ESS2: variants seen among roughly 807,000 people sequenced by gnomAD.
ESS2 encodes splicing factor ESS-2 homolog.
In ESS2, 31 loss-of-function variants were observed where a neutral mutation model predicts 52.0. That is an observed-to-expected ratio of 0.60 (90% CI 0.45 to 0.81). ESS2 has a LOEUF of 0.81. Ranked by LOEUF, ESS2 falls within the 30% of genes least tolerant of loss-of-function variation. The pLI is 0.00. For missense variants in ESS2, 602 were observed against 637.2 expected (o/e 0.94, Z 0.59); for synonymous variants, 285 against 259.2 (o/e 1.10, Z -0.95).
Position 19,142,708 on chromosome 22 carries a change from C to A in ESS2, c.304+18G>T. 6.2e-7 allele frequency: 1 copy of A among 1,611,854 alleles called. No homozygotes were observed. The highest frequency in any genetic ancestry group is 8.5e-7 in the Non-Finnish European group (1 of 1,178,740). ...TCAGCAGGCTTTCCCCTCTCCGCCA[C>A]CCACAGGGTCCTCATACAGGGTGGC... On this transcript the variant is annotated intron_variant, in intron 2 of 9. Coordinates refer to ENST00000252137, the MANE Select transcript of ESS2 (RefSeq NM_022719.3).
chr22:19,140,772 T>A (rs2083672947), intron 3 of ESS2, among the ~76,000 whole-genome samples: 1 of 152,214 alleles, frequency 6.6e-6, no homozygotes, highest in Admixed American at 6.5e-5. Context: ...GCACAGTGGC[T>A]ACAAGCTCAA....
chr22:19,138,105 G>A (rs984741117), intron 7 of ESS2, 110 bp downstream of exon 7: 35 of 1,553,342 alleles, frequency 2.3e-5, no homozygotes, highest in South Asian at 1.3e-4. Context: ...GTTACACAAG[G>A]TGTGGGGCAG....
intron 1 of ESS2, among the ~76,000 whole-genome samples, chr22:19,143,804 A>G (rs148965529): frequency 0.016 from 2,461 of 152,214 alleles, 87 homozygotes; most frequent in East Asian, 0.058. Flanking sequence ...TGGTTACAGT[A>G]AGCCGAGATC....
chr22:19,139,138 C>A, intron 6 of ESS2, 21 bp downstream of exon 6: 1 of 1,569,758 alleles, frequency 6.4e-7, no homozygotes, highest in Non-Finnish European at 8.6e-7. Context: ...CCCATGCGGC[C>A]CTGCTGACCC....
Position 19,130,652 on chromosome 22 carries a change from C to G in ESS2, c.*3544G>C. On this transcript the variant is annotated 3_prime_UTR_variant, in exon 10 of 10. Transcript: ENST00000252137. Reference sequence around the variant, plus strand: ...CCCTTAACTTGTCTTCAGATTTTGTCGACCCGAGATGGGTCCTGGCACTAG... The same window carrying G: ...CCCTTAACTTGTCTTCAGATTTTGTGGACCCGAGATGGGTCCTGGCACTAG... 3.2e-6 allele frequency: 1 copy of G among 312,132 alleles called. No individual in the cohort carries two copies. The highest frequency in any genetic ancestry group is 2.9e-5 in the South Asian group (1 of 34,254). 19.3% of individuals were successfully genotyped at this position (312,132 alleles called of 1,614,324 possible).
intron 8 of ESS2, among the ~76,000 whole-genome samples, chr22:19,136,497 A>G (rs2083585050): frequency 6.6e-6 from 1 of 152,122 alleles, no homozygotes; most frequent in South Asian, 2.1e-4. Flanking sequence ...CTTCATTTCT[A>G]AATACTCTGC....
Position 19,133,980 on chromosome 22 carries a change from A to C in ESS2, c.*216T>G. The stretch of plus-strand genomic sequence containing the variant: ...TAATGACAGTTCAAGGGGCCAATTA[A>C]ACAGCAAACAGCTTGGCAAGGCCCT... On this transcript the variant is annotated 3_prime_UTR_variant, in exon 10 of 10. Transcript: ENST00000252137. 2.2e-6 allele frequency: 1 copy of C among 460,406 alleles called. No homozygotes were observed. Among genetic ancestry groups the C allele is most frequent in the Non-Finnish European group, 3.6e-6 (1 of 279,668 alleles). The allele number at this position is 460,406 out of a possible 1,614,324, so 28.5% of individuals were successfully genotyped here.
chr22:19,144,388 C>A, intron 1 of ESS2, 118 bp downstream of exon 1: 1 of 1,556,968 alleles, frequency 6.4e-7, no homozygotes, highest in South Asian at 1.2e-5. Flanking sequence ...ACCGTCCACA[C>A]CCGGCTCCTC....
Position 19,137,362 on chromosome 22 carries a change from T to C in ESS2, c.996A>G (p.Glu332=), listed in dbSNP as rs1488911629. Reference sequence around the variant, plus strand: ...CGGGTGTCCTGTCCACGTAGGGCGTTTCCGACCCTTCAACTCTCAAGGGTG... The same window carrying C: ...CGGGTGTCCTGTCCACGTAGGGCGTCTCCGACCCTTCAACTCTCAAGGGTG... ...ENTPLRVEGS[E]TPYVDRTPGP... Residue 332 remains glutamate, a synonymous_variant, in exon 8 of 10, where the codon GAA becomes GAG. Coordinates refer to ENST00000252137, the MANE Select transcript of ESS2 (RefSeq NM_022719.3). The C allele has an allele frequency of 1.9e-6, 3 of 1,613,674 alleles. No individual in the cohort carries two copies. The African/African-American group carries it at 4.0e-5, about 22-fold the overall frequency.
chr22:19,134,544 C>T, intron 9 of ESS2, 69 bp from the exon 10 acceptor site: 1 of 1,444,438 alleles, frequency 6.9e-7, no homozygotes, highest in Admixed American at 2.5e-5. Flanking sequence ...CAGGGCCTCC[C>T]TTGGCTCCCA....
intron 6 of ESS2, 51 bp from the exon 7 acceptor site, chr22:19,138,368 C>T: frequency 6.5e-7 from 1 of 1,550,076 alleles, no homozygotes; most frequent in Non-Finnish European, 8.9e-7. Context: ...CCACGCTCGA[C>T]AGCTGGCCGG....
intron 7 of ESS2, 54 bp from the exon 8 acceptor site, chr22:19,137,486 C>T: frequency 7.5e-7 from 1 of 1,332,476 alleles, no homozygotes. Context: ...CCACCACCCT[C>T]CCCTCCAGTC....
Position 19,132,108 on chromosome 22 carries a change from C to A in ESS2, c.*2088G>T. On this transcript the variant is annotated 3_prime_UTR_variant, in exon 10 of 10. Coordinates refer to ENST00000252137, the MANE Select transcript of ESS2 (RefSeq NM_022719.3). This position sits in a 1 kb window ranked among gnomAD's most constrained non-coding sequence, Gnocchi z 4.2. ...GAAGGAGCACCGTGTGGACTTCCCG[C>A]GCTCCAAGAACCTGACCTGCGAGTG... 1.2e-6 allele frequency: 2 copies of A among 1,612,890 alleles called. No homozygotes were observed. The highest frequency in any genetic ancestry group is 1.7e-6 in the Non-Finnish European group (2 of 1,179,064).
intron 9 of ESS2, among the ~76,000 whole-genome samples, 165 bp from the exon 10 acceptor site, chr22:19,134,640 G>GT (rs1288438417): frequency 7.9e-5 from 12 of 152,088 alleles, no homozygotes; most frequent in Non-Finnish European, 1.6e-4. Flanking sequence ...GATCCCTGAG[G>GT]TCAAACAGCA....
chr22:19,139,533 G>A (rs775904825), intron 5 of ESS2, 79 bp downstream of exon 5: 1 of 1,427,134 alleles, frequency 7.0e-7, no homozygotes, highest in Admixed American at 1.7e-5. Flanking sequence ...TACACACCTG[G>A]AAGGCTGCTC....
rs567709710 is a variant in ESS2 at position 19,137,711 on chromosome 22, C to G, written c.926-279G>C. ...CCCCAGCCACGCAGGAGGAGACACT[C>G]AGGCCTTCCAGGGCTCCCAAACCTC... On this transcript the variant is annotated intron_variant, in intron 7 of 9. Coordinates refer to ENST00000252137, the MANE Select transcript of ESS2 (RefSeq NM_022719.3). 2.4e-4 allele frequency: 234 copies of G among 984,186 alleles called. 1 individual carries two copies. The African/African-American group carries it at 3.7e-3, about 16-fold the overall frequency. The allele number at this position is 984,186 out of a possible 1,614,324, so 61.0% of individuals were successfully genotyped here. A position where few individuals can be genotyped will look rare whatever the true frequency, so the allele number is the denominator to read the frequency against.
chr22:19,132,562 T>G lies in ESS2; in HGVS notation c.*1634A>C. 7.3e-7 allele frequency: 1 copy of G among 1,368,472 alleles called. No homozygotes were observed. Among genetic ancestry groups the G allele is most frequent in the South Asian group, 1.4e-5 (1 of 72,564 alleles). The allele number at this position is 1,368,472 out of a possible 1,614,324, so 84.8% of individuals were successfully genotyped here. A position where few individuals can be genotyped will look rare whatever the true frequency, so the allele number is the denominator to read the frequency against. ...CCTTCACGTAAACTAAGTAGGCAGG[T>G]AGGATCTGAAGAAGGCACAGGTGCA... On this transcript the variant is annotated 3_prime_UTR_variant, in exon 10 of 10. Coordinates refer to ENST00000252137, the MANE Select transcript of ESS2 (RefSeq NM_022719.3). The surrounding 1 kb of genome is among the most constrained non-coding windows in gnomAD (Gnocchi z 4.2).
intron 5 of ESS2, 32 bp from the exon 6 acceptor site, chr22:19,139,324 T>C: frequency 6.4e-7 from 1 of 1,552,356 alleles, no homozygotes; most frequent in South Asian, 1.2e-5. Context: ...GCAGCAGGTG[T>C]CAGAAGGGCA....
At chr22:19,144,113 G>C in intron 1 of ESS2, 1 of 1,024,544 alleles carries the variant, frequency 9.8e-7, no homozygotes, top group Non-Finnish European at 1.2e-6. Context: ...GGGCGACGCA[G>C]GTCCACTCAC....
Sources: allele counts gnomAD v4.1 joint callset (sites outside exome capture counted in the v4.1 genomes callset), GRCh38; gene constraint gnomAD v4.1.1; non-coding constraint Gnocchi (gnomAD v3.1); transcripts MANE v1.5; gene names NCBI Gene and HGNC (gene_info 2026-07-23, HGNC 2026-07-21).